GRIK1: variants seen among roughly 807,000 people sequenced by gnomAD.
The protein encoded by GRIK1 is glutamate ionotropic receptor kainate type subunit 1.
A neutral mutation model predicts 105.7 loss-of-function variants in GRIK1; 69 were observed. That is an observed-to-expected ratio of 0.65 (90% confidence interval 0.54 to 0.80). The LOEUF is 0.80. Ranked by LOEUF, GRIK1 falls within the 30% of genes least tolerant of loss-of-function variation. The pLI is 0.00. For missense variants in GRIK1, 1,109 were observed against 1,167.3 expected (o/e 0.95, Z 0.73); for synonymous variants, 438 against 431.3 (o/e 1.02, Z -0.19).
chr21:29,874,965 A>G (rs1601916283), intron 1 of GRIK1, among the ~76,000 whole-genome samples: 1 of 144,256 alleles, frequency 6.9e-6, no homozygotes, highest in South Asian at 2.2e-4. Flanking sequence ...TAATTTTGTT[A>G]TTTTTTCATC....
intron 3 of GRIK1, among the ~76,000 whole-genome samples, chr21:29,689,198 C>G (rs529641471): frequency 6.6e-6 from 1 of 152,262 alleles, no homozygotes; most frequent in Non-Finnish European, 1.5e-5. Context: ...TATTTCCATC[C>G]TGCACCCTGA....
intron 15 of GRIK1, among the ~76,000 whole-genome samples, chr21:29,560,078 A>G (rs1253423964): frequency 1.3e-5 from 2 of 152,154 alleles, no homozygotes. Flanking sequence ...TTCAAATGAC[A>G]AAAATACTAA....
At chr21:29,800,172 C>T (rs572154660) in intron 1 of GRIK1, among the ~76,000 whole-genome samples, 76 of 152,280 alleles carry the variant, frequency 5.0e-4, no homozygotes, top group African/African-American at 1.7e-3. Flanking sequence ...ATGAAATACA[C>T]GATCTGGCTT....
At chr21:29,850,193 TC>T (rs1470739438) in intron 1 of GRIK1, among the ~76,000 whole-genome samples, 2 of 152,230 alleles carry the variant, frequency 1.3e-5, no homozygotes, top group South Asian at 2.1e-4. Context: ...ATTTGTTATC[TC>T]TTTTTCATAA....
At chr21:29,926,518 C>A (rs1172801892) in intron 1 of GRIK1, among the ~76,000 whole-genome samples, 1 of 152,052 alleles carries the variant, frequency 6.6e-6, no homozygotes, top group African/African-American at 2.4e-5. Flanking sequence ...TTCAGTTAAG[C>A]TTCTGGGGCC....
intron 1 of GRIK1, among the ~76,000 whole-genome samples, chr21:29,700,754 GC>G (rs1377559568): frequency 3.3e-5 from 5 of 152,154 alleles, no homozygotes; most frequent in Admixed American, 1.3e-4. Flanking sequence ...TTCCACTGCT[GC>G]CTACTGATTC....
chr21:29,819,479 C>CTGTG (rs757812835), intron 1 of GRIK1, among the ~76,000 whole-genome samples: 1 of 151,028 alleles, frequency 6.6e-6, no homozygotes, highest in Admixed American at 6.6e-5. Context: ...GCTTGTGTGT[C>CTGTG]TGTGTGTGTG....
intron 10 of GRIK1, among the ~76,000 whole-genome samples, chr21:29,589,415 C>T (rs1160184257): frequency 2.0e-5 from 3 of 147,858 alleles, no homozygotes; most frequent in Non-Finnish European, 3.0e-5. Flanking sequence ...TTTTGTATGA[C>T]CCTTCTGGCT....
intron 1 of GRIK1, among the ~76,000 whole-genome samples, chr21:29,867,885 AAAG>A (rs2068865017): frequency 2.4e-4 from 4 of 16,990 alleles, no homozygotes; most frequent in African/African-American, 6.9e-4. Context: ...AAAGAGAGAG[AAAG>A]AGAGAGAGAG....
intron 7 of GRIK1, among the ~76,000 whole-genome samples, chr21:29,633,093 T>TCC (rs1000445229): frequency 1.3e-5 from 2 of 152,216 alleles, no homozygotes; most frequent in Non-Finnish European, 2.9e-5. Flanking sequence ...GGGAATTAGC[T>TCC]AGGCCCTTTT....
chr21:29,860,736 T>G (rs2068610108), intron 1 of GRIK1, among the ~76,000 whole-genome samples: 1 of 152,160 alleles, frequency 6.6e-6, no homozygotes, highest in African/African-American at 2.4e-5. Context: ...TAAAAAAATT[T>G]AAATTGTAGA....
chr21:29,666,354 G>T (rs2063058849), intron 4 of GRIK1, among the ~76,000 whole-genome samples: 1 of 152,170 alleles, frequency 6.6e-6, no homozygotes, highest in Non-Finnish European at 1.5e-5. Flanking sequence ...AGTGAGCCGA[G>T]ATCATGCCAT....
intron 8 of GRIK1, 197 bp from the exon 9 acceptor site, chr21:29,596,767 A>T (rs150495276): frequency 3.4e-6 from 2 of 594,854 alleles, no homozygotes; most frequent in Non-Finnish European, 6.0e-6. Context: ...GTCTCACAGA[A>T]GTTACCTGGT....
At chr21:29,827,786 C>T (rs1368327281) in intron 1 of GRIK1, among the ~76,000 whole-genome samples, 1 of 152,044 alleles carries the variant, frequency 6.6e-6, no homozygotes, top group East Asian at 1.9e-4. Flanking sequence ...CGTCTTTAAA[C>T]AAACAAACAA....
At chr21:29,821,477 G>A (rs1341966573) in intron 1 of GRIK1, among the ~76,000 whole-genome samples, 2 of 151,958 alleles carry the variant, frequency 1.3e-5, no homozygotes, top group Admixed American at 6.6e-5. Flanking sequence ...TTACAGTATT[G>A]CACTAAACAG....
chr21:29,889,374 A>G lies in GRIK1; in HGVS notation c.118+50009T>C, dbSNP rs867310597. Among the ~76,000 whole-genome samples, 13 of 152,306 alleles carry G rather than the reference A, an allele frequency of 8.5e-5. No individual in the cohort carries two copies. In the Middle Eastern group the frequency reaches 0.01, roughly 120 times the overall value. ...TAAAAGATATGGGAAACCTTTAATT[A>G]TAAGTCAAGAGTAAATACTCCTACT... On this transcript the variant is annotated intron_variant, in intron 1 of 17. Transcript: ENST00000327783.
intron 1 of GRIK1, among the ~76,000 whole-genome samples, chr21:29,893,050 T>C (rs982955082): frequency 6.6e-6 from 1 of 152,200 alleles, no homozygotes; most frequent in Non-Finnish European, 1.5e-5. Context: ...CACACGCCTA[T>C]AGTTCCTACT....
At chr21:29,549,940 T>C (rs986841398) in intron 16 of GRIK1, among the ~76,000 whole-genome samples, 33 of 151,590 alleles carry the variant, frequency 2.2e-4, no homozygotes, top group African/African-American at 7.5e-4. Flanking sequence ...AACTCCTGTC[T>C]CTACTAAAAA....
chr21:29,876,112 A>ATATATG (rs142408189), intron 1 of GRIK1, among the ~76,000 whole-genome samples: 1 of 148,976 alleles, frequency 6.7e-6, no homozygotes, highest in Admixed American at 6.7e-5. Flanking sequence ...GGAGATAGAT[A>ATATATG]TGTGTGTGTG....
Sources: allele counts gnomAD v4.1 joint callset (sites outside exome capture counted in the v4.1 genomes callset), GRCh38; gene constraint gnomAD v4.1.1; transcripts MANE v1.5; gene names NCBI Gene and HGNC (gene_info 2026-07-23, HGNC 2026-07-21).